Variants in TEF observed in about 807,000 individuals in gnomAD.
TEF encodes the protein thyrotroph embryonic factor.
In TEF, 3 loss-of-function variants were observed where a neutral mutation model predicts 20.8. That is an observed-to-expected ratio of 0.14 (90% CI 0.07 to 0.37). The LOEUF (loss-of-function observed/expected upper bound fraction) is 0.37. Ranked by LOEUF, TEF falls within the 10% of genes least tolerant of loss-of-function variation. The pLI is 1.00. For missense variants in TEF, 296 were observed against 397.9 expected, an observed-to-expected ratio of 0.74 and a Z score of 2.18; for synonymous variants, 180 against 171.1, an observed-to-expected ratio of 1.05 and a Z score of -0.41.
chr22:41,387,472 T>C lies in TEF; in HGVS notation c.279T>C (p.Ser93=). The C allele has an allele frequency of 6.2e-7, 1 of 1,614,222 alleles. No homozygotes were observed. The highest frequency in any genetic ancestry group is 8.5e-7 in the Non-Finnish European group (1 of 1,180,034). The stretch of plus-strand genomic sequence containing the variant: ...AGACCATCCCATATGATGGCGAATC[T>C]TTCCACCTGGAGTACATGGACCTGG... ...WDKTIPYDGE[S]FHLEYMDLDE... Residue 93 remains serine, a synonymous_variant, in exon 2 of 4, where the codon TCT becomes TCC. Transcript: ENST00000266304.
At chr22:41,384,654 C>T (rs955676716) in intron 1 of TEF, among the ~76,000 whole-genome samples, 1 of 152,204 alleles carries the variant, frequency 6.6e-6, no homozygotes, top group Non-Finnish European at 1.5e-5. Flanking sequence ...TCTGCCTACC[C>T]CTTGTTGGGC....
At chr22:41,385,121 T>C (rs1429817417) in intron 1 of TEF, among the ~76,000 whole-genome samples, 1 of 152,050 alleles carries the variant, frequency 6.6e-6, no homozygotes, top group Non-Finnish European at 1.5e-5. Context: ...CCCAGCACTT[T>C]GGGAGGCCAA....
At chr22:41,389,063 CAAT>C (rs1371365057) in intron 2 of TEF, among the ~76,000 whole-genome samples, 2 of 151,986 alleles carry the variant, frequency 1.3e-5, no homozygotes, top group Non-Finnish European at 2.9e-5. Flanking sequence ...CTAAAGTTGA[CAAT>C]AAATCCATCA....
At chr22:41,394,424 C>A in intron 3 of TEF, 108 bp downstream of exon 3, 1 of 1,091,118 alleles carries the variant, frequency 9.2e-7, no homozygotes, top group Middle Eastern at 2.4e-4. Context: ...CCTTGTGACA[C>A]CATTTGGAAA....
chr22:41,367,793 C>A (rs1269711863), intron 1 of TEF, among the ~76,000 whole-genome samples: 1 of 152,144 alleles, frequency 6.6e-6, no homozygotes. Context: ...CTGGGACTCT[C>A]TCCTAGGCCT....
chr22:41,384,612 A>C (rs1648330176), intron 1 of TEF, among the ~76,000 whole-genome samples: 1 of 152,128 alleles, frequency 6.6e-6, no homozygotes, highest in African/African-American at 2.4e-5. Flanking sequence ...AATATTCTAC[A>C]GTTAGTATAT....
upstream of TEF, among the ~76,000 whole-genome samples, chr22:41,379,588 G>A (rs913013383): frequency 2.6e-5 from 4 of 152,058 alleles, no homozygotes; most frequent in African/African-American, 7.2e-5. Context: ...AAAAACGCTG[G>A]GTGCGGTGGC....
rs2037225992 is a variant in TEF at position 41,396,189 on chromosome 22, T to A, written c.*229T>A. On this transcript the variant is annotated 3_prime_UTR_variant, in exon 4 of 4. Coordinates refer to ENST00000266304, the MANE Select transcript of TEF (RefSeq NM_003216.4). Reference sequence around the variant, plus strand: ...GGTGGGGAACGCAAGAGAATCTGCGTAGATGGGTGACTCAGCCTTAGTTTC... The same window carrying A: ...GGTGGGGAACGCAAGAGAATCTGCGAAGATGGGTGACTCAGCCTTAGTTTC... 5 of 521,050 alleles carry A rather than the reference T, an allele frequency of 9.6e-6. No homozygotes were observed. Among genetic ancestry groups the A allele is most frequent in the South Asian group, 9.4e-5 (4 of 42,366 alleles). 32.3% of individuals were successfully genotyped at this position (521,050 alleles called of 1,614,324 possible). A position where few individuals can be genotyped will look rare whatever the true frequency, so the allele number is the denominator to read the frequency against.
intron 1 of TEF, 54 bp downstream of exon 1, chr22:41,382,255 G>A: frequency 8.5e-7 from 1 of 1,169,808 alleles, no homozygotes; most frequent in Non-Finnish European, 1.1e-6. Flanking sequence ...ATACAGGGGC[G>A]GGGCCTCGTG....
intron 2 of TEF, among the ~76,000 whole-genome samples, chr22:41,393,810 A>G (rs754776360): frequency 1.1e-4 from 17 of 152,038 alleles, no homozygotes; most frequent in Non-Finnish European, 2.4e-4. Flanking sequence ...GTTTTGCTTA[A>G]CATTTCTGGA....
Position 41,397,866 on chromosome 22 carries a change from A to G in TEF, c.*1906A>G, listed in dbSNP as rs908926463. ...TTATTAGTGGAAGAGCCTTGAGCTTAAAAGCTCTTCATTTTCTTTGCCGGA... is the reference window on the plus strand; with the variant it reads ...TTATTAGTGGAAGAGCCTTGAGCTTGAAAGCTCTTCATTTTCTTTGCCGGA... On this transcript the variant is annotated 3_prime_UTR_variant, in exon 4 of 4. Transcript: ENST00000266304. The G allele has an allele frequency of 5.9e-5, 9 of 152,210 alleles. No homozygotes were observed. The highest frequency in any genetic ancestry group is 1.7e-4 in the African/African-American group (7 of 41,456). 9.4% of individuals were successfully genotyped at this position (152,210 alleles called of 1,614,324 possible).
At chr22:41,383,093 CT>C in intron 1 of TEF, 2 of 463,924 alleles carry the variant, frequency 4.3e-6, no homozygotes, top group Middle Eastern at 4.2e-4. Context: ...AGTGTGAGAC[CT>C]TTGCATTTCC....
intron 3 of TEF, 115 bp from the exon 4 acceptor site, chr22:41,395,630 C>T (rs1245502280): frequency 4.7e-6 from 5 of 1,055,824 alleles, no homozygotes; most frequent in Non-Finnish European, 7.0e-6. Context: ...CCTGGTATCC[C>T]TGCTTTAGCT....
chr22:41,389,663 G>A (rs1283187324), intron 2 of TEF, among the ~76,000 whole-genome samples: 1 of 151,684 alleles, frequency 6.6e-6, no homozygotes, highest in East Asian at 1.9e-4. Flanking sequence ...TAGAGTCAGG[G>A]TATCACTGTG....
intron 1 of TEF, chr22:41,369,154 C>T: frequency 1.0e-6 from 1 of 985,328 alleles, no homozygotes; most frequent in Non-Finnish European, 1.2e-6. Context: ...CGACTCGGGG[C>T]ACTGCTCCTC....
At position 41,396,039 on chromosome 22, in the gene TEF, G is replaced by A. The variant is rs915457265; in HGVS notation, c.*79G>A. ...GGGCTCCCTGTAACCCCTCACACGC[G>A]TGGAGACTTATGACTCGTCGTGGGC... On this transcript the variant is annotated 3_prime_UTR_variant, in exon 4 of 4. Coordinates refer to ENST00000266304, the MANE Select transcript of TEF (RefSeq NM_003216.4). 32 of 1,472,708 alleles carry A rather than the reference G, an allele frequency of 2.2e-5. No homozygotes were observed. The African/African-American group carries it at 2.7e-4, about 12-fold the overall frequency. The allele number at this position is 1,472,708 out of a possible 1,614,324, so 91.2% of individuals were successfully genotyped here. A position where few individuals can be genotyped will look rare whatever the true frequency, so the allele number is the denominator to read the frequency against.
chr22:41,379,537 A>G (rs7287294), upstream of TEF, among the ~76,000 whole-genome samples: 54,076 of 151,558 alleles, frequency 0.36, 11,170 homozygotes, highest in Non-Finnish European at 0.48. Flanking sequence ...CAAAAACACC[A>G]TAAGGTAGAG....
At chr22:41,386,015 C>T (rs74563671) in intron 1 of TEF, among the ~76,000 whole-genome samples, 5 of 151,340 alleles carry the variant, frequency 3.3e-5, no homozygotes, top group Non-Finnish European at 7.4e-5. Context: ...TTAGGAGAGA[C>T]AGGGTTTCAT....
rs1259181344 is a variant in TEF, at chr22:41,382,182, C to T, written c.138C>T (p.Pro46=). 1.4e-5 allele frequency: 17 copies of T among 1,239,452 alleles called. No homozygotes were observed. In the South Asian group the frequency reaches 2.0e-4, roughly 15 times the overall value. 76.8% of individuals were successfully genotyped at this position (1,239,452 alleles called of 1,614,324 possible). A position where few individuals can be genotyped will look rare whatever the true frequency, so the allele number is the denominator to read the frequency against. The change falls in exon 1 of 4, where the codon CCC becomes CCT. Residue 46 remains proline (P), a synonymous_variant. Coordinates refer to ENST00000266304, the MANE Select transcript of TEF (RefSeq NM_003216.4). The part of the protein sequence containing the change: ...PLVLKKLMEN[P]PREARLDKEK... ...TCCTGAAGAAGCTGATGGAGAACCC[C>T]CCGCGCGAGGCGCGCCTCGGTGAGG...
Sources: allele counts gnomAD v4.1 joint callset (sites outside exome capture counted in the v4.1 genomes callset), GRCh38; gene constraint gnomAD v4.1.1; transcripts MANE v1.5; gene names NCBI Gene and HGNC (gene_info 2026-07-23, HGNC 2026-07-21).